TENM2: variants seen among roughly 807,000 people sequenced by gnomAD.
The protein encoded by TENM2 is teneurin transmembrane protein 2.
Under a neutral mutation model 245.2 loss-of-function variants are expected in TENM2, and 52 were observed. That is an observed-to-expected ratio of 0.21 (90% CI 0.17 to 0.27). The LOEUF is 0.27. Ranked by LOEUF, TENM2 falls within the 10% of genes least tolerant of loss-of-function variation. The probability of loss-of-function intolerance (pLI) is 1.00; values close to 1 mark genes in which losing one functional copy is unlikely to be tolerated. For synonymous variants in TENM2, 1,363 were observed against 1,438.9 expected (o/e 0.95, Z 1.19); for missense variants, 3,046 against 3,666.8 (o/e 0.83, Z 4.37).
At chr5:168,071,988 G>A (rs1791047176) in intron 7 of TENM2, among the ~76,000 whole-genome samples, 1 of 152,162 alleles carries the variant, frequency 6.6e-6, no homozygotes, top group African/African-American at 2.4e-5. Context: ...GCTGCGCAGT[G>A]CCTGTGTTTC....
At chr5:168,255,918 G>T (rs1189294619) in intron 27 of TENM2, among the ~76,000 whole-genome samples, 11 of 151,870 alleles carry the variant, frequency 7.2e-5, no homozygotes, top group Non-Finnish European at 1.5e-5. Flanking sequence ...CAGTTTTCCT[G>T]CCTCGGCCTC....
chr5:168,125,556 A>C (rs1430422832), intron 11 of TENM2, among the ~76,000 whole-genome samples: 4 of 152,136 alleles, frequency 2.6e-5, no homozygotes, highest in African/African-American at 4.8e-5. Context: ...GGAACAGTTC[A>C]ACAGTTCAAG....
At chr5:167,139,793 A>C in the TENM2 span, among the ~76,000 whole-genome samples, 1 of 152,362 alleles carries the variant, frequency 6.6e-6, no homozygotes, top group Non-Finnish European at 1.5e-5. Flanking sequence ...GAAAAAAATA[A>C]GATTCAGTAC....
chr5:167,090,849 A>G, the TENM2 span, among the ~76,000 whole-genome samples: 1 of 150,446 alleles, frequency 6.6e-6, no homozygotes. Flanking sequence ...ACTAGATTCT[A>G]AAATGTATAT....
At chr5:167,798,876 A>G (rs1458049763) in intron 2 of TENM2, among the ~76,000 whole-genome samples, 1 of 152,200 alleles carries the variant, frequency 6.6e-6, no homozygotes, top group Non-Finnish European at 1.5e-5. Flanking sequence ...AGGACTTAGT[A>G]TGCTGAACCC....
intron 2 of TENM2, among the ~76,000 whole-genome samples, chr5:167,382,721 T>C (rs1212328970): frequency 6.6e-6 from 1 of 152,102 alleles, no homozygotes; most frequent in African/African-American, 2.4e-5. Context: ...TCTGTGTTAA[T>C]CATGAGAAAA....
chr5:167,606,271 C>T (rs942264227), intron 2 of TENM2, among the ~76,000 whole-genome samples: 38 of 152,228 alleles, frequency 2.5e-4, no homozygotes, highest in African/African-American at 8.4e-4. Flanking sequence ...ACAACAGACA[C>T]TTATATCACA....
chr5:167,790,512 A>G (rs1764876294), intron 2 of TENM2, among the ~76,000 whole-genome samples: 1 of 152,162 alleles, frequency 6.6e-6, no homozygotes, highest in Non-Finnish European at 1.5e-5. Context: ...AGAGAGGAAT[A>G]ATGGGCTTTC....
chr5:167,425,729 A>G (rs1205973340), intron 2 of TENM2, among the ~76,000 whole-genome samples: 3 of 152,252 alleles, frequency 2.0e-5, no homozygotes, highest in South Asian at 4.2e-4. Flanking sequence ...TTCTTCAACT[A>G]TAAAATAACA....
At chr5:167,700,046 C>A (rs1022308337) in intron 2 of TENM2, among the ~76,000 whole-genome samples, 21 of 152,228 alleles carry the variant, frequency 1.4e-4, no homozygotes, top group African/African-American at 5.1e-4. Context: ...TTGAGGACAT[C>A]TTGAGTTCTT....
intron 2 of TENM2, among the ~76,000 whole-genome samples, chr5:167,776,656 TATATA>T (rs1561769668): frequency 5.9e-5 from 8 of 134,548 alleles, no homozygotes; most frequent in Non-Finnish European, 1.1e-4. Context: ...TATATATATA[TATATA>T]TATTTTTCAT....
At chr5:167,199,874 A>G in the TENM2 span, among the ~76,000 whole-genome samples, 1 of 152,248 alleles carries the variant, frequency 6.6e-6, no homozygotes, top group Middle Eastern at 3.4e-3. Flanking sequence ...AGGCAGCCCT[A>G]AAAATAACCT....
rs777605461 is a variant in TENM2 at position 168,244,232 on chromosome 5, C to T, written c.5521-188C>T. On this transcript the variant is annotated intron_variant, in intron 25 of 28. Transcript: ENST00000518659. This position sits in a 1 kb window ranked among gnomAD's most constrained non-coding sequence, Gnocchi z 4.9. ...GATTACAGGCGTGAGCCACCACACCCGGCCAAATTTTGCCATTTTCTATCT... is the reference window on the plus strand; with the variant it reads ...GATTACAGGCGTGAGCCACCACACCTGGCCAAATTTTGCCATTTTCTATCT... 3.3e-4 allele frequency among the ~76,000 whole-genome samples: 50 copies of T among 152,196 alleles called. No individual in the cohort carries two copies. Among genetic ancestry groups the T allele is most frequent in the South Asian group, 2.7e-3 (13 of 4,826 alleles).
intron 2 of TENM2, among the ~76,000 whole-genome samples, chr5:167,727,374 G>C (rs4302613): frequency 6.6e-6 from 1 of 151,990 alleles, no homozygotes; most frequent in Non-Finnish European, 1.5e-5. Flanking sequence ...AGCCTCCCAG[G>C]GTGCTGGGAT....
intron 19 of TENM2, among the ~76,000 whole-genome samples, chr5:168,207,164 G>A (rs1018452210): frequency 6.6e-6 from 1 of 152,142 alleles, no homozygotes; most frequent in East Asian, 1.9e-4. Context: ...AGTCTTTAGG[G>A]CCTAAGCATG....
chr5:167,082,578 C>T, the TENM2 span, among the ~76,000 whole-genome samples: 1 of 152,176 alleles, frequency 6.6e-6, no homozygotes, highest in Non-Finnish European at 1.5e-5. Flanking sequence ...AGCCACCATA[C>T]ACAGCCGAAG....
At chr5:167,328,204 GTTTTTTTTTTTT>G (rs70976412) in intron 1 of TENM2, among the ~76,000 whole-genome samples, 1 of 91,016 alleles carries the variant, frequency 1.1e-5, no homozygotes, top group Non-Finnish European at 2.0e-5. Flanking sequence ...TTCTCATATC[GTTTTTTTTTTTT>G]TTTTTTTTTT....
At chr5:167,597,156 T>A (rs1361575037) in intron 2 of TENM2, among the ~76,000 whole-genome samples, 1 of 104,426 alleles carries the variant, frequency 9.6e-6, no homozygotes, top group Non-Finnish European at 2.0e-5. Context: ...TTTTCTTTTC[T>A]TTTCTTTTCT....
intron 1 of TENM2, among the ~76,000 whole-genome samples, chr5:167,298,567 G>A (rs1038800445): frequency 1.1e-4 from 16 of 152,316 alleles, no homozygotes; most frequent in East Asian, 7.7e-4. Context: ...TCGTGCCACT[G>A]CACTCCAGCC....
Sources: gnomAD v4.1 joint callset for allele counts (sites outside exome capture counted in the v4.1 genomes callset) on GRCh38, gnomAD v4.1.1 for gene constraint, Gnocchi (gnomAD v3.1) non-coding constraint, MANE v1.5 for transcripts, NCBI Gene and HGNC (gene_info 2026-07-23, HGNC 2026-07-21) for gene names.